The following CCSER1 variants were observed in gnomAD, a reference collection of about 807,000 sequenced individuals.
The protein encoded by CCSER1 is coiled-coil serine rich protein 1, also known as serine-rich coiled-coil domain-containing protein 1.
Under a neutral mutation model 82.0 loss-of-function variants are expected in CCSER1, and 41 were observed. That is an observed-to-expected ratio of 0.50 (90% CI 0.39 to 0.65). The LOEUF is 0.65. CCSER1 is among the 30% of genes least tolerant of loss of function. The probability of loss-of-function intolerance (pLI) is 0.00; values close to 1 mark genes in which losing one functional copy is unlikely to be tolerated. For synonymous variants in CCSER1, 414 were observed against 383.9 expected (o/e 1.08, Z -0.92); for missense variants, 1,119 against 1,064.2 (o/e 1.05, Z -0.72).
chr4:91,024,681 T>C (rs1740329988), intron 9 of CCSER1, among the ~76,000 whole-genome samples: 1 of 152,066 alleles, frequency 6.6e-6, no homozygotes, highest in South Asian at 2.1e-4. Flanking sequence ...AGTTCTCTAA[T>C]TCAAAATAGG....
intron 5 of CCSER1, among the ~76,000 whole-genome samples, chr4:90,550,230 G>A (rs1256920449): frequency 1.3e-5 from 2 of 152,140 alleles, no homozygotes; most frequent in South Asian, 4.1e-4. Flanking sequence ...TTTCAAGGGC[G>A]GATGTGTGTG....
intron 7 of CCSER1, among the ~76,000 whole-genome samples, chr4:90,787,197 T>C (rs1381008341): frequency 6.6e-6 from 1 of 152,120 alleles, no homozygotes; most frequent in Admixed American, 6.6e-5. Context: ...GGATATGAGG[T>C]GGGACCCTCT....
intron 1 of CCSER1, among the ~76,000 whole-genome samples, chr4:90,275,788 G>T (rs548680547): frequency 5.3e-5 from 8 of 152,246 alleles, no homozygotes; most frequent in Middle Eastern, 3.4e-3. Context: ...AAAATTATAA[G>T]TAACATCAGG....
intron 6 of CCSER1, among the ~76,000 whole-genome samples, chr4:90,658,193 T>C (rs11946958): frequency 0.51 from 77,973 of 151,970 alleles, 20,251 homozygotes; most frequent in Middle Eastern, 0.67. Context: ...TTTTTATTTA[T>C]GTATTTATTT....
At chr4:90,450,634 CT>C (rs1158068989) in intron 4 of CCSER1, among the ~76,000 whole-genome samples, 1 of 152,182 alleles carries the variant, frequency 6.6e-6, no homozygotes, top group Admixed American at 6.5e-5. Context: ...GTTCCCTGGT[CT>C]TTTACTAAAG....
intron 3 of CCSER1, among the ~76,000 whole-genome samples, chr4:90,332,512 A>G (rs1421712076): frequency 6.6e-6 from 1 of 152,184 alleles, no homozygotes; most frequent in Non-Finnish European, 1.5e-5. Context: ...CTGTATTTAC[A>G]GGCATGAGCC....
intron 7 of CCSER1, chr4:90,781,457 T>G (rs889262456): frequency 1.2e-5 from 12 of 984,842 alleles, no homozygotes; most frequent in Admixed American, 6.1e-5. Context: ...TCAAATTTAA[T>G]GAAATGATGG....
At chr4:91,457,541 A>C (rs535585475) in intron 10 of CCSER1, among the ~76,000 whole-genome samples, 20 of 152,100 alleles carry the variant, frequency 1.3e-4, no homozygotes, top group Non-Finnish European at 2.2e-4. Flanking sequence ...GTGGTGGCGC[A>C]TGCCTTTAGT....
chr4:91,471,450 A>T (rs975758825), intron 10 of CCSER1, among the ~76,000 whole-genome samples: 1 of 152,136 alleles, frequency 6.6e-6, no homozygotes, highest in African/African-American at 2.4e-5. Context: ...ACCGTGACCC[A>T]GCCGCGCTGG....
chr4:90,252,079 T>C (rs1722501577), intron 1 of CCSER1, among the ~76,000 whole-genome samples: 1 of 151,916 alleles, frequency 6.6e-6, no homozygotes, highest in African/African-American at 2.4e-5. Flanking sequence ...TAAATACAGG[T>C]TGAGTATCCC....
intron 5 of CCSER1, among the ~76,000 whole-genome samples, chr4:90,471,318 C>G (rs987124238): frequency 1.3e-5 from 2 of 151,826 alleles, no homozygotes; most frequent in African/African-American, 4.8e-5. Flanking sequence ...ACCTATACTC[C>G]CAGATACTCA....
intron 6 of CCSER1, chr4:90,682,899 A>G (rs999135008): frequency 7.2e-5 from 11 of 152,236 alleles, no homozygotes; most frequent in African/African-American, 1.4e-4. Flanking sequence ...ACATTGACAG[A>G]AAAAGATAAT....
At chr4:90,986,868 G>A (rs1293899306) in intron 9 of CCSER1, among the ~76,000 whole-genome samples, 1 of 151,728 alleles carries the variant, frequency 6.6e-6, no homozygotes, top group African/African-American at 2.4e-5. Context: ...TGTGTATCAT[G>A]CAAAGGTAGA....
chr4:90,754,532 T>G (rs1402849381), intron 7 of CCSER1, among the ~76,000 whole-genome samples: 2 of 152,154 alleles, frequency 1.3e-5, no homozygotes, highest in Non-Finnish European at 2.9e-5. Context: ...ACAGGTTGCA[T>G]ATAATTAGCC....
intron 5 of CCSER1, among the ~76,000 whole-genome samples, chr4:90,572,087 T>C (rs1780183879): frequency 1.3e-5 from 2 of 152,216 alleles, no homozygotes; most frequent in Non-Finnish European, 2.9e-5. Context: ...ACTCAGCTTT[T>C]GTTTGTACTT....
At chr4:90,595,068 G>C (rs867580999) in intron 5 of CCSER1, among the ~76,000 whole-genome samples, 3 of 151,914 alleles carry the variant, frequency 2.0e-5, no homozygotes, top group African/African-American at 7.2e-5. Flanking sequence ...ACTTATCAGA[G>C]AATTCATCAT....
intron 3 of CCSER1, among the ~76,000 whole-genome samples, chr4:90,322,338 G>A (rs965816646): frequency 9.2e-5 from 14 of 152,052 alleles, no homozygotes; most frequent in East Asian, 1.9e-4. Context: ...ATTGGTCTGC[G>A]TGTCTGTTTT....
At chr4:90,392,342 A>G (rs958434021) in intron 3 of CCSER1, among the ~76,000 whole-genome samples, 6 of 152,102 alleles carry the variant, frequency 3.9e-5, no homozygotes, top group African/African-American at 1.4e-4. Flanking sequence ...GTTTAAATTC[A>G]TATAAATTAT....
At chr4:91,096,652 T>A (rs1005804461) in intron 10 of CCSER1, among the ~76,000 whole-genome samples, 4 of 152,134 alleles carry the variant, frequency 2.6e-5, no homozygotes, top group Non-Finnish European at 5.9e-5. Flanking sequence ...AAGTTCTTAG[T>A]TTTCCTGGAG....
Sources: allele counts gnomAD v4.1 joint callset (sites outside exome capture counted in the v4.1 genomes callset), GRCh38; gene constraint gnomAD v4.1.1; transcripts MANE v1.5; gene names NCBI Gene and HGNC (gene_info 2026-07-23, HGNC 2026-07-21).